Variants in VPS35L observed in about 807,000 individuals in gnomAD.
The protein encoded by VPS35L is VPS35 endosomal protein sorting factor like.
A neutral mutation model predicts 133.0 loss-of-function variants in VPS35L; 83 were observed. That is an observed-to-expected ratio of 0.62 (90% CI 0.52 to 0.75). The LOEUF (loss-of-function observed/expected upper bound fraction) is 0.75, where lower values mean the gene tolerates loss of function less well. Ranked by LOEUF, VPS35L falls within the 30% of genes least tolerant of loss-of-function variation. The pLI is 0.00. For synonymous variants in VPS35L, 423 were observed against 449.9 expected, an observed-to-expected ratio of 0.94 and a Z score of 0.76; for missense variants, 1,083 against 1,206.8, an observed-to-expected ratio of 0.90 and a Z score of 1.52.
chr16:19,574,775 G>A (rs415491), intron 4 of VPS35L, among the ~76,000 whole-genome samples: 13,981 of 151,982 alleles, frequency 0.092, 686 homozygotes, highest in Middle Eastern at 0.14. Context: ...AACATCCAAC[G>A]GTGCACAGAA....
intron 7 of VPS35L, among the ~76,000 whole-genome samples, chr16:19,584,042 A>C (rs1971789158): frequency 6.6e-6 from 1 of 151,942 alleles, no homozygotes; most frequent in South Asian, 2.1e-4. Context: ...ACAGAGTTTC[A>C]TTTTTTTATG....
At chr16:19,691,702 G>C (rs1456709703) in intron 29 of VPS35L, among the ~76,000 whole-genome samples, 1 of 152,100 alleles carries the variant, frequency 6.6e-6, no homozygotes. Flanking sequence ...TGAAATCTCA[G>C]CTCAAAGGAC....
At chr16:19,602,212 C>T (rs1190560480) in intron 9 of VPS35L, among the ~76,000 whole-genome samples, 1 of 152,026 alleles carries the variant, frequency 6.6e-6, no homozygotes, top group African/African-American at 2.4e-5. Context: ...TATAATGGGA[C>T]AAGTGGATGA....
intron 28 of VPS35L, among the ~76,000 whole-genome samples, chr16:19,690,948 A>G (rs1284997852): frequency 1.3e-5 from 2 of 149,996 alleles, no homozygotes; most frequent in South Asian, 2.1e-4. Context: ...GGTGACAGAG[A>G]GAGACTCCGT....
chr16:19,662,797 A>G (rs753446018), intron 26 of VPS35L, among the ~76,000 whole-genome samples: 8 of 152,192 alleles, frequency 5.3e-5, no homozygotes, highest in South Asian at 2.1e-4. Flanking sequence ...CGTTTTTCCT[A>G]TAATTTTCTC....
chr16:19,682,399 G>C lies in VPS35L; in HGVS notation c.2527+9G>C. The C allele has an allele frequency of 1.2e-6, 2 of 1,613,044 alleles. No individual in the cohort carries two copies. Among genetic ancestry groups the C allele is most frequent in the Non-Finnish European group, 1.7e-6 (2 of 1,179,272 alleles). ...TTACCACATAGACAAAGGTAGCAGA[G>C]CCTCCCCCACCAAACCATGCTCCGC... is the stretch of plus-strand genomic sequence containing the variant. On this transcript the variant is annotated intron_variant, in intron 28 of 30. Coordinates refer to ENST00000417362, the MANE Select transcript of VPS35L (RefSeq NM_020314.7).
chr16:19,631,555 C>T (rs967937900), intron 18 of VPS35L, among the ~76,000 whole-genome samples: 2 of 152,116 alleles, frequency 1.3e-5, no homozygotes, highest in African/African-American at 4.8e-5. Context: ...CTCCCTTGTA[C>T]CCATCAATCA....
chr16:19,558,761 A>G (rs970304364), intron 1 of VPS35L, among the ~76,000 whole-genome samples: 3 of 136,474 alleles, frequency 2.2e-5, no homozygotes, highest in East Asian at 2.0e-4. Context: ...TCTCTACTAG[A>G]AAAAAAAAAA....
intron 26 of VPS35L, among the ~76,000 whole-genome samples, chr16:19,657,433 C>G (rs1215920569): frequency 1.3e-5 from 2 of 152,164 alleles, no homozygotes; most frequent in African/African-American, 4.8e-5. Context: ...CCCATTTCTG[C>G]AGATAAACAG....
intron 27 of VPS35L, among the ~76,000 whole-genome samples, chr16:19,674,936 G>A (rs1188304162): frequency 6.7e-6 from 1 of 149,326 alleles, no homozygotes; most frequent in African/African-American, 2.5e-5. Context: ...TGTGTATAAT[G>A]TTTTCTTTTC....
In VPS35L at chr16:19,690,072, A is replaced by G. The variant is rs533001466; in HGVS notation, c.2528-1281A>G. Among the ~76,000 whole-genome samples the G allele has an allele frequency of 3.8e-4, 58 of 152,096 alleles. No homozygotes were observed. The South Asian group carries it at 4.8e-3, about 13-fold the overall frequency. On this transcript the variant is annotated intron_variant, in intron 28 of 30. Coordinates refer to ENST00000417362, the MANE Select transcript of VPS35L (RefSeq NM_020314.7). ...GGACTACAGGCGTGAGCTACCAAAC[A>G]CAGCTAATTTTATTTGGAGAGATGG...
At chr16:19,669,691 A>G (rs1252057872) in intron 27 of VPS35L, among the ~76,000 whole-genome samples, 1 of 145,786 alleles carries the variant, frequency 6.9e-6, no homozygotes, top group African/African-American at 2.5e-5. Flanking sequence ...TTTTTTTGAG[A>G]TGGAGTTTCA....
chr16:19,650,090 C>T (rs1370081561), intron 24 of VPS35L, among the ~76,000 whole-genome samples: 3 of 152,110 alleles, frequency 2.0e-5, no homozygotes, highest in Admixed American at 1.3e-4. Flanking sequence ...AGTAAGTGAG[C>T]CCCAGCTATT....
chr16:19,641,791 G>C (rs569438575), intron 21 of VPS35L, among the ~76,000 whole-genome samples: 2 of 132,688 alleles, frequency 1.5e-5, no homozygotes, highest in South Asian at 4.7e-4. Flanking sequence ...AAGAAGCATA[G>C]TTAAAAACAA....
intron 26 of VPS35L, among the ~76,000 whole-genome samples, chr16:19,653,566 G>A (rs1191899438): frequency 6.6e-6 from 1 of 152,208 alleles, no homozygotes; most frequent in Non-Finnish European, 1.5e-5. Flanking sequence ...TCAAGGCCAT[G>A]CCCCTTCACC....
chr16:19,620,588 G>A (rs944222519), intron 14 of VPS35L, among the ~76,000 whole-genome samples: 2 of 152,268 alleles, frequency 1.3e-5, no homozygotes, highest in Admixed American at 1.3e-4. Context: ...TGATTATTAT[G>A]TATTGCATGC....
chr16:19,659,788 G>C (rs1974419635), intron 26 of VPS35L, among the ~76,000 whole-genome samples: 1 of 152,210 alleles, frequency 6.6e-6, no homozygotes, highest in Non-Finnish European at 1.5e-5. Flanking sequence ...TGCAGGCAAA[G>C]TTTTCAGGAA....
At chr16:19,681,849 G>A (rs534652675) in intron 27 of VPS35L, among the ~76,000 whole-genome samples, 94 of 150,212 alleles carry the variant, frequency 6.3e-4, no homozygotes, top group African/African-American at 2.2e-3. Flanking sequence ...CGATACCCGC[G>A]ATCCTGCTTT....
rs764394530 is a variant in VPS35L, at chr16:19,651,985, G to C, written c.2116G>C (p.Ala706Pro). The C allele has an allele frequency of 6.2e-7, 1 of 1,606,620 alleles. No individual in the cohort carries two copies. Residue 706 changes from alanine to proline, a missense_variant, in exon 26 of 31, where the codon GCC (alanine) becomes CCC (proline). Physicochemically the swap from Ala to Pro is conservative, Grantham distance 27 (BLOSUM62 -1). Transcript: ENST00000417362. ...TCTTCCCTTCTCCTAGGCCTGTGTT[G>C]CCTACTGCTTCATCACCATCCCCTC... Reference protein sequence around the residue: ...KTAAFVRACVAYCFITIPSLA... With the variant: ...KTAAFVRACVPYCFITIPSLA...
Sources: allele counts gnomAD v4.1 joint callset (sites outside exome capture counted in the v4.1 genomes callset), GRCh38; gene constraint gnomAD v4.1.1; transcripts MANE v1.5; gene names NCBI Gene and HGNC (gene_info 2026-07-23, HGNC 2026-07-21).